Variants in DSCAM observed in about 807,000 individuals in gnomAD.
DSCAM encodes cell adhesion molecule DSCAM.
DSCAM carries 47 observed loss-of-function variants against 217.7 expected under a neutral mutation model. The observed-to-expected ratio is 0.22, with a 90% CI of 0.17 to 0.28. The LOEUF (loss-of-function observed/expected upper bound fraction) is 0.28, where lower values mean the gene tolerates loss of function less well. Ranked by LOEUF, DSCAM falls within the 10% of genes least tolerant of loss-of-function variation. The pLI is 1.00. For missense variants in DSCAM, 2,080 were observed against 2,618.3 expected (o/e 0.79, Z 4.49); for synonymous variants, 1,056 against 1,015.3 (o/e 1.04, Z -0.76).
At chr21:40,315,754 A>G (rs1569059195) in intron 8 of DSCAM, among the ~76,000 whole-genome samples, 1 of 152,248 alleles carries the variant, frequency 6.6e-6, no homozygotes, top group Non-Finnish European at 1.5e-5. Context: ...TCTCATACAC[A>G]TCACTCCAAG....
At chr21:40,350,958 A>G (rs775739069) in intron 5 of DSCAM, among the ~76,000 whole-genome samples, 1 of 141,090 alleles carries the variant, frequency 7.1e-6, no homozygotes, top group Non-Finnish European at 1.5e-5. Context: ...GCACAATCAT[A>G]CAGAGGAGTT....
intron 11 of DSCAM, among the ~76,000 whole-genome samples, chr21:40,261,512 C>T (rs1215575288): frequency 5.3e-5 from 8 of 152,034 alleles, no homozygotes; most frequent in African/African-American, 1.4e-4. Flanking sequence ...CTTTGGACTT[C>T]GAGTGAAACA....
intron 3 of DSCAM, among the ~76,000 whole-genome samples, chr21:40,670,098 T>A (rs553347996): frequency 3.9e-5 from 6 of 152,344 alleles, no homozygotes; most frequent in African/African-American, 1.2e-4. Flanking sequence ...GGTCTTTACT[T>A]ACAAATAAAA....
At chr21:40,284,124 T>A (rs2073797348) in intron 10 of DSCAM, among the ~76,000 whole-genome samples, 1 of 152,134 alleles carries the variant, frequency 6.6e-6, no homozygotes, top group Admixed American at 6.6e-5. Context: ...AGATAGAGGT[T>A]GCAATGGAAA....
intron 11 of DSCAM, among the ~76,000 whole-genome samples, chr21:40,204,733 A>G (rs550438951): frequency 6.6e-6 from 1 of 152,346 alleles, no homozygotes; most frequent in Admixed American, 6.5e-5. Context: ...GATTCTTCTC[A>G]TGTAACTGAA....
At chr21:40,196,847 T>C (rs561020131) in intron 11 of DSCAM, among the ~76,000 whole-genome samples, 2 of 152,336 alleles carry the variant, frequency 1.3e-5, no homozygotes, top group South Asian at 4.1e-4. Flanking sequence ...ATAAAAACAC[T>C]AGCCATGGAA....
At chr21:40,021,444 G>A (rs1164736242) in intron 32 of DSCAM, among the ~76,000 whole-genome samples, 1 of 152,026 alleles carries the variant, frequency 6.6e-6, no homozygotes, top group African/African-American at 2.4e-5. Context: ...ACCATACAAG[G>A]ACCACTGGCC....
chr21:40,049,740 C>T (rs2088898078), intron 30 of DSCAM, among the ~76,000 whole-genome samples: 1 of 152,176 alleles, frequency 6.6e-6, no homozygotes, highest in Admixed American at 6.5e-5. Context: ...CACACACGTC[C>T]CTCCCATGTG....
intron 3 of DSCAM, among the ~76,000 whole-genome samples, chr21:40,514,800 C>T (rs1193266974): frequency 6.6e-6 from 1 of 152,110 alleles, no homozygotes; most frequent in Non-Finnish European, 1.5e-5. Flanking sequence ...ATCAACGGAG[C>T]TTATCAAATC....
chr21:40,022,801 A>G (rs746080297), intron 32 of DSCAM, among the ~76,000 whole-genome samples: 1 of 151,474 alleles, frequency 6.6e-6, no homozygotes, highest in Non-Finnish European at 1.5e-5. Flanking sequence ...TCTTATATCT[A>G]AACTTTTTAT....
At position 40,141,581 on chromosome 21, in the gene DSCAM, G is replaced by C. The variant is rs1179282216; in HGVS notation, c.3406+977C>G. 2.0e-5 allele frequency among the ~76,000 whole-genome samples: 3 copies of C among 152,268 alleles called. No individual in the cohort carries two copies. The East Asian group carries it at 5.8e-4, about 29-fold the overall frequency. On this transcript the variant is annotated intron_variant, in intron 18 of 32. Transcript: ENST00000400454. Reference sequence around the variant, plus strand: ...TGCAGTGAGCTGAGATCGTGCCACTGCACTCCAGCCTGGGTGACAGAGGGA... The same window carrying C: ...TGCAGTGAGCTGAGATCGTGCCACTCCACTCCAGCCTGGGTGACAGAGGGA...
chr21:40,030,130 A>G (rs753131092), intron 32 of DSCAM, among the ~76,000 whole-genome samples: 8 of 152,218 alleles, frequency 5.3e-5, no homozygotes, highest in South Asian at 2.1e-4. Flanking sequence ...ACACACAGGC[A>G]CACACACATT....
intron 11 of DSCAM, among the ~76,000 whole-genome samples, chr21:40,261,465 G>A (rs1271572816): frequency 6.6e-6 from 1 of 152,118 alleles, no homozygotes; most frequent in African/African-American, 2.4e-5. Flanking sequence ...AACTCTGCCT[G>A]CCTGATGGCT....
chr21:40,442,762 G>A (rs543617201), intron 3 of DSCAM, among the ~76,000 whole-genome samples: 2 of 152,048 alleles, frequency 1.3e-5, no homozygotes, highest in African/African-American at 4.8e-5. Context: ...TGCCCGCCTC[G>A]GCCTCCCAAA....
intron 11 of DSCAM, among the ~76,000 whole-genome samples, chr21:40,263,145 G>C (rs529522082): frequency 1.3e-5 from 2 of 152,116 alleles, no homozygotes; most frequent in Admixed American, 6.5e-5. Context: ...GTGCCTCTTC[G>C]TTAAGGAATC....
intron 3 of DSCAM, among the ~76,000 whole-genome samples, chr21:40,568,555 A>G (rs1324105977): frequency 6.6e-6 from 1 of 152,348 alleles, no homozygotes; most frequent in East Asian, 1.9e-4. Flanking sequence ...ACAAAATATT[A>G]AAATGATATT....
chr21:40,337,963 T>C, intron 8 of DSCAM, 138 bp downstream of exon 8: 1 of 1,098,808 alleles, frequency 9.1e-7, no homozygotes, highest in Non-Finnish European at 1.3e-6. Flanking sequence ...ACATCTCATG[T>C]TCCCTGTCAT....
rs538869039 is a variant in DSCAM, at chr21:40,012,851, TCAGA to T, written c.*179_*182del. The T allele has an allele frequency of 1.6e-5, 7 of 439,356 alleles. No homozygotes were observed. Among genetic ancestry groups the T allele is most frequent in the South Asian group, 1.1e-4 (1 of 9,010 alleles). 27.2% of individuals were successfully genotyped at this position (439,356 alleles called of 1,614,324 possible). A position where few individuals can be genotyped will look rare whatever the true frequency, so the allele number is the denominator to read the frequency against. On this transcript the variant is annotated 3_prime_UTR_variant, in exon 33 of 33. Transcript: ENST00000400454. ...ATGCCCAGGCGGATGGAGCTCACACTCAGACAGAAAAAAAGCAGGAGAGTCTTTG... is the reference window on the plus strand; with the variant it reads ...ATGCCCAGGCGGATGGAGCTCACACTCAGAAAAAAAGCAGGAGAGTCTTTG...
chr21:40,827,483 A>AAAAAAAAAAAAAAAAAG (rs1569056712), intron 1 of DSCAM, among the ~76,000 whole-genome samples: 1 of 133,444 alleles, frequency 7.5e-6, no homozygotes, highest in Non-Finnish European at 1.6e-5. Context: ...AAAAAAAAAA[A>AAAAAAAAAAAAAAAAAG]AAAGAAAAGA....
Sources: allele counts gnomAD v4.1 joint callset (sites outside exome capture counted in the v4.1 genomes callset), GRCh38; gene constraint gnomAD v4.1.1; transcripts MANE v1.5; gene names NCBI Gene and HGNC (gene_info 2026-07-23, HGNC 2026-07-21).